The following ATP2B2 variants were observed in gnomAD, a reference collection of about 807,000 sequenced individuals.
ATP2B2 encodes the protein ATPase plasma membrane Ca2+ transporting 2, also known as plasma membrane calcium-transporting ATPase 2.
A neutral mutation model predicts 120.0 loss-of-function variants in ATP2B2; 15 were observed. That is an observed-to-expected ratio of 0.12 (90% CI 0.08 to 0.19). The LOEUF (loss-of-function observed/expected upper bound fraction) is 0.19. Among genes scored for constraint, ATP2B2 ranks in the 10% least tolerant of loss-of-function variants. The pLI, the probability that ATP2B2 is intolerant of heterozygous loss-of-function variation, is 1.00. For missense variants in ATP2B2, 1,045 were observed against 1,719.8 expected, an observed-to-expected ratio of 0.61 and a Z score of 6.94; for synonymous variants, 694 against 700.3, an observed-to-expected ratio of 0.99 and a Z score of 0.14.
intron 2 of ATP2B2, among the ~76,000 whole-genome samples, chr3:10,419,026 C>A (rs1348128294): frequency 6.6e-6 from 1 of 152,250 alleles, no homozygotes; most frequent in African/African-American, 2.4e-5. Context: ...CAAATCCCAG[C>A]AGCTCTTTGG....
chr3:10,326,893 C>A lies in ATP2B2; in HGVS notation c.*1921G>T, dbSNP rs35674. ...CTCTCATCTTGTTTGTGGAAGAGTT[C>A]TCTGGGCCTGGAGAAGGGAAGGGGC... On this transcript the variant is annotated 3_prime_UTR_variant, in exon 23 of 23. Coordinates refer to ENST00000360273, the MANE Select transcript of ATP2B2 (RefSeq NM_001001331.4). 92,501 of 398,630 alleles carry A rather than the reference C, an allele frequency of 0.23. 12,062 individuals carry two copies. Among genetic ancestry groups the A allele is most frequent in the Admixed American group, 0.32 (7,239 of 22,696 alleles). 24.7% of individuals were successfully genotyped at this position (398,630 alleles called of 1,614,324 possible). A position where few individuals can be genotyped will look rare whatever the true frequency, so the allele number is the denominator to read the frequency against.
intron 2 of ATP2B2, among the ~76,000 whole-genome samples, chr3:10,595,792 T>C (rs1484520636): frequency 6.6e-6 from 1 of 152,214 alleles, no homozygotes; most frequent in African/African-American, 2.4e-5. Flanking sequence ...TCGACACAAA[T>C]GAAGATTGCT....
chr3:10,692,438 G>T (rs2071681985), intron 1 of ATP2B2, among the ~76,000 whole-genome samples: 1 of 152,194 alleles, frequency 6.6e-6, no homozygotes, highest in South Asian at 2.1e-4. Flanking sequence ...GGACCCGACA[G>T]GAGATGGATG....
upstream of ATP2B2, chr3:10,708,055 C>A (rs1575638228): frequency 7.7e-5 from 11 of 143,784 alleles, no homozygotes; most frequent in South Asian, 2.0e-3. Context: ...CCCGCGGCCC[C>A]GCCGCCGCCC....
chr3:10,360,247 A>T, intron 12 of ATP2B2, 124 bp from the exon 13 acceptor site: 1 of 1,445,266 alleles, frequency 6.9e-7, no homozygotes, highest in Non-Finnish European at 9.1e-7. Context: ...CTGAGCCCTC[A>T]GGGAGCCCTT....
intron 3 of ATP2B2, among the ~76,000 whole-genome samples, chr3:10,405,593 T>C (rs1370712): frequency 0.18 from 27,681 of 152,104 alleles, 5,724 homozygotes; most frequent in African/African-American, 0.51. Context: ...GGGGCTCCCT[T>C]GGACTGGGGC....
intron 2 of ATP2B2, among the ~76,000 whole-genome samples, chr3:10,432,589 G>A (rs1264528059): frequency 6.6e-6 from 1 of 152,210 alleles, no homozygotes; most frequent in Non-Finnish European, 1.5e-5. Context: ...CTTTCCCCTC[G>A]CCTAGGTAAT....
chr3:10,490,505 A>T (rs703905), intron 1 of ATP2B2, among the ~76,000 whole-genome samples: 1 of 151,210 alleles, frequency 6.6e-6, no homozygotes, highest in Non-Finnish European at 1.5e-5. Flanking sequence ...TGTTTAAGCA[A>T]TTCCTGTATC....
chr3:10,508,829 G>T (rs139618289), upstream of ATP2B2, among the ~76,000 whole-genome samples: 3 of 152,342 alleles, frequency 2.0e-5, no homozygotes, highest in East Asian at 5.8e-4. Flanking sequence ...ACAGGGAAGA[G>T]GGGGAAAGAG....
chr3:10,541,260 A>G (rs140524301), intron 2 of ATP2B2, among the ~76,000 whole-genome samples: 1 of 151,914 alleles, frequency 6.6e-6, no homozygotes, highest in African/African-American at 2.4e-5. Flanking sequence ...TTGGTTTTCA[A>G]CTTTATCGAT....
At chr3:10,493,151 AAGAC>A (rs2066000008) in intron 1 of ATP2B2, among the ~76,000 whole-genome samples, 1 of 152,204 alleles carries the variant, frequency 6.6e-6, no homozygotes, top group African/African-American at 2.4e-5. Context: ...TTGTCTAGGG[AAGAC>A]AGACAGACAA....
At chr3:10,675,917 C>G (rs1377057737) in intron 1 of ATP2B2, among the ~76,000 whole-genome samples, 1 of 152,238 alleles carries the variant, frequency 6.6e-6, no homozygotes, top group Non-Finnish European at 1.5e-5. Flanking sequence ...TCAGAGAGGT[C>G]TTCCCTGATG....
At chr3:10,468,949 C>A (rs1440225903) in intron 1 of ATP2B2, among the ~76,000 whole-genome samples, 1 of 152,242 alleles carries the variant, frequency 6.6e-6, no homozygotes, top group Non-Finnish European at 1.5e-5. Flanking sequence ...GTTAAGAGAG[C>A]CTGAGGAATA....
intron 2 of ATP2B2, among the ~76,000 whole-genome samples, chr3:10,610,898 C>A (rs1370421176): frequency 6.6e-6 from 1 of 152,196 alleles, no homozygotes; most frequent in Non-Finnish European, 1.5e-5. Context: ...GTGTCAAGCC[C>A]AGCAGAGGCT....
chr3:10,398,215 C>T (rs111464210), intron 5 of ATP2B2, among the ~76,000 whole-genome samples: 62 of 152,200 alleles, frequency 4.1e-4, no homozygotes, highest in African/African-American at 1.4e-3. Flanking sequence ...AAACCATCCA[C>T]CAGATTACCA....
At chr3:10,366,380 A>G (rs2061058786) in intron 12 of ATP2B2, among the ~76,000 whole-genome samples, 1 of 152,118 alleles carries the variant, frequency 6.6e-6, no homozygotes, top group Non-Finnish European at 1.5e-5. Flanking sequence ...TGTACTGGGG[A>G]CCTGGGGCTT....
At chr3:10,486,348 T>TGTGTG (rs1416899358) in intron 1 of ATP2B2, among the ~76,000 whole-genome samples, 9 of 151,952 alleles carry the variant, frequency 5.9e-5, no homozygotes, top group African/African-American at 2.2e-4. Flanking sequence ...TGTGTGTGTG[T>TGTGTG]GTGTGTGTGT....
At chr3:10,516,514 C>G (rs778846498) in intron 3 of ATP2B2, among the ~76,000 whole-genome samples, 1 of 152,244 alleles carries the variant, frequency 6.6e-6, no homozygotes, top group African/African-American at 2.4e-5. Flanking sequence ...ACCTCAGATA[C>G]CATCCTGTCG....
chr3:10,474,012 C>T (rs576182100), intron 1 of ATP2B2, among the ~76,000 whole-genome samples: 2 of 152,216 alleles, frequency 1.3e-5, no homozygotes, highest in South Asian at 4.1e-4. Context: ...AATGGACTGG[C>T]AGGGTGAGAT....
Sources: allele counts gnomAD v4.1 joint callset (sites outside exome capture counted in the v4.1 genomes callset), GRCh38; gene constraint gnomAD v4.1.1; transcripts MANE v1.5; gene names NCBI Gene and HGNC (gene_info 2026-07-23, HGNC 2026-07-21).